Variants in MYO1D observed in about 807,000 individuals in gnomAD.
MYO1D encodes myosin ID.
In MYO1D, 83 loss-of-function variants were observed where a neutral mutation model predicts 122.0. The observed-to-expected ratio is 0.68, with a 90% CI of 0.57 to 0.82. The LOEUF is 0.82. MYO1D is among the 40% of genes least tolerant of loss of function. The probability of loss-of-function intolerance (pLI) is 0.00; values close to 1 mark genes in which losing one functional copy is unlikely to be tolerated. For missense variants in MYO1D, 1,157 were observed against 1,269.5 expected, an observed-to-expected ratio of 0.91 and a Z score of 1.35; for synonymous variants, 464 against 446.9, an observed-to-expected ratio of 1.04 and a Z score of -0.48.
Position 32,780,673 on chromosome 17 carries a change from A to C in MYO1D, c.207T>G (p.Arg69=). 2 of 1,614,084 alleles carry C rather than the reference A, an allele frequency of 1.2e-6. No homozygotes were observed. The highest frequency in any genetic ancestry group is 8.5e-7 in the Non-Finnish European group (1 of 1,179,964). ...GGTGAGGCGGTCTCTCATACAGCTC[A>C]CGGCCTTTATACTGCTCAATTGTGT... ...GRDTIEQYKG[R]ELYERPPHLF... The change falls in exon 2 of 22, where the codon CGT becomes CGG. Residue 69 remains arginine (R), a synonymous_variant. Transcript: ENST00000318217.
chr17:32,868,637 AAG>A (rs1411544385), intron 1 of MYO1D, among the ~76,000 whole-genome samples: 1 of 152,152 alleles, frequency 6.6e-6, no homozygotes, highest in Non-Finnish European at 1.5e-5. Context: ...AGGATTCAGG[AAG>A]AGTTAGCATT....
At chr17:32,786,850 C>T (rs747767298) in intron 1 of MYO1D, among the ~76,000 whole-genome samples, 5 of 151,616 alleles carry the variant, frequency 3.3e-5, no homozygotes, top group Non-Finnish European at 7.4e-5. Context: ...TTGAAGTGAA[C>T]CAGAATGGGG....
intron 1 of MYO1D, among the ~76,000 whole-genome samples, chr17:32,786,603 T>TG (rs1369097518): frequency 6.6e-6 from 1 of 152,232 alleles, no homozygotes; most frequent in Non-Finnish European, 1.5e-5. Flanking sequence ...GTGGATCACC[T>TG]GAGGTCAGGA....
chr17:32,856,337 C>T (rs145107237), intron 1 of MYO1D, among the ~76,000 whole-genome samples: 149 of 152,316 alleles, frequency 9.8e-4, no homozygotes, highest in African/African-American at 3.2e-3. Context: ...TCTCTCTCTA[C>T]GGCCTCCTTC....
intron 14 of MYO1D, among the ~76,000 whole-genome samples, chr17:32,733,064 C>A (rs1288151241): frequency 6.6e-6 from 1 of 152,214 alleles, no homozygotes; most frequent in East Asian, 1.9e-4. Context: ...TGTGCAGTGG[C>A]TGGACCTTAT....
intron 16 of MYO1D, among the ~76,000 whole-genome samples, chr17:32,682,787 C>T (rs1282889344): frequency 2.3e-4 from 28 of 119,834 alleles, no homozygotes; most frequent in African/African-American, 8.8e-4. Context: ...TGAATCTGAA[C>T]GTTGGCCTGC....
chr17:32,743,271 T>A (rs2089792857), intron 13 of MYO1D, among the ~76,000 whole-genome samples: 1 of 152,218 alleles, frequency 6.6e-6, no homozygotes, highest in South Asian at 2.1e-4. Flanking sequence ...AATACACTGA[T>A]GACTGTGAAT....
intron 21 of MYO1D, among the ~76,000 whole-genome samples, chr17:32,542,993 G>A (rs1422134131): frequency 6.6e-6 from 1 of 152,130 alleles, no homozygotes; most frequent in South Asian, 2.1e-4. Context: ...TTGGAAGGCC[G>A]AGGCAGGTGG....
chr17:32,568,514 A>G (rs2087194532), intron 21 of MYO1D, among the ~76,000 whole-genome samples: 2 of 152,150 alleles, frequency 1.3e-5, no homozygotes, highest in Admixed American at 1.3e-4. Flanking sequence ...TATATAACCT[A>G]TCAACCCCCT....
rs369769834 is a variant in MYO1D, at chr17:32,653,914, C to A, written c.2524G>T (p.Val842Phe). 6.2e-7 allele frequency: 1 copy of A among 1,613,764 alleles called. No homozygotes were observed. The highest frequency in any genetic ancestry group is 8.5e-7 in the Non-Finnish European group (1 of 1,179,864). The change falls in exon 19 of 22, where the codon GTC (valine) becomes TTC (phenylalanine). Residue 842 changes from valine (V) to phenylalanine (F), a missense_variant. Coordinates refer to ENST00000318217, the MANE Select transcript of MYO1D (RefSeq NM_015194.3). Reference sequence around the variant, plus strand: ...CGTTTCAATTCATTAGCAACAGGGACAAAAGTGCCTGAGGTCTGAGGTGTA... The same window carrying A: ...CGTTTCAATTCATTAGCAACAGGGAAAAAAGTGCCTGAGGTCTGAGGTGTA... ...PDTPQTSGTF[V>F]PVANELKRKD...
rs564874792 is a variant in MYO1D at position 32,537,818 on chromosome 17, C to T, written c.2865-42903G>A. Among the ~76,000 whole-genome samples, 7 of 152,086 alleles carry T rather than the reference C, an allele frequency of 4.6e-5. No individual in the cohort carries two copies. The South Asian group carries it at 1.5e-3, about 32-fold the overall frequency. On this transcript the variant is annotated intron_variant, in intron 21 of 21. Transcript: ENST00000318217. ...TGGGTTTTGGCTTTAGAATCAATCA[C>T]CAAAGTGGAAAACAATATAAATATT...
chr17:32,800,671 T>C (rs766301735), intron 1 of MYO1D, among the ~76,000 whole-genome samples: 14 of 152,118 alleles, frequency 9.2e-5, no homozygotes, highest in Non-Finnish European at 1.6e-4. Context: ...TATTGAAAAA[T>C]AGCTAAAGGA....
chr17:32,820,692 G>A (rs1234609230), intron 1 of MYO1D, among the ~76,000 whole-genome samples: 2 of 152,138 alleles, frequency 1.3e-5, no homozygotes, highest in African/African-American at 4.8e-5. Flanking sequence ...TGGTCAAAGG[G>A]TAGAAACTTT....
intron 16 of MYO1D, among the ~76,000 whole-genome samples, chr17:32,693,768 G>C (rs2089135819): frequency 6.6e-6 from 1 of 152,170 alleles, no homozygotes; most frequent in East Asian, 1.9e-4. Flanking sequence ...GGCAGTGTCT[G>C]AGAGGAGATA....
intron 1 of MYO1D, among the ~76,000 whole-genome samples, chr17:32,807,332 T>C (rs2090524166): frequency 6.6e-6 from 1 of 152,132 alleles, no homozygotes; most frequent in African/African-American, 2.4e-5. Context: ...TATTCTTCCA[T>C]AAAACTTTAT....
chr17:32,860,564 T>C (rs949150130), intron 1 of MYO1D, among the ~76,000 whole-genome samples: 2 of 152,266 alleles, frequency 1.3e-5, no homozygotes, highest in Non-Finnish European at 2.9e-5. Context: ...ACTAGAGGTT[T>C]ACTTCTTATT....
At chr17:32,496,661 C>T (rs903509384) in intron 21 of MYO1D, among the ~76,000 whole-genome samples, 1 of 152,182 alleles carries the variant, frequency 6.6e-6, no homozygotes, top group East Asian at 1.9e-4. Flanking sequence ...TGCCTCCCCT[C>T]TGTCAACCTG....
At chr17:32,806,007 C>T (rs1450248768) in intron 1 of MYO1D, among the ~76,000 whole-genome samples, 1 of 152,130 alleles carries the variant, frequency 6.6e-6, no homozygotes, top group East Asian at 1.9e-4. Flanking sequence ...GCCTGTAATC[C>T]CAGCACTTTG....
intron 21 of MYO1D, among the ~76,000 whole-genome samples, chr17:32,506,342 G>C (rs1909502919): frequency 6.6e-6 from 1 of 152,224 alleles, no homozygotes; most frequent in Non-Finnish European, 1.5e-5. Flanking sequence ...GAAAGGTGGG[G>C]TGGTGGTCCC....
Sources: allele counts gnomAD v4.1 joint callset (sites outside exome capture counted in the v4.1 genomes callset), GRCh38; gene constraint gnomAD v4.1.1; transcripts MANE v1.5; gene names NCBI Gene and HGNC (gene_info 2026-07-23, HGNC 2026-07-21).